The following KDM5B variants were observed in gnomAD, a reference collection of about 807,000 sequenced individuals.
The protein encoded by KDM5B is lysine-specific demethylase 5B.
A neutral mutation model predicts 193.4 loss-of-function variants in KDM5B; 144 were observed. That is an observed-to-expected ratio of 0.74 (90% CI 0.65 to 0.86). KDM5B has a LOEUF of 0.86. Among genes scored for constraint, KDM5B ranks in the 40% least tolerant of loss-of-function variants. The pLI is 0.00. For missense variants in KDM5B, 1,833 were observed against 1,886.9 expected (o/e 0.97, Z 0.53); for synonymous variants, 668 against 682.6 (o/e 0.98, Z 0.33).
At chr1:202,753,099 G>T in intron 11 of KDM5B, 32 bp from the exon 12 acceptor site, 1 of 1,586,312 alleles carries the variant, frequency 6.3e-7, no homozygotes, top group Non-Finnish European at 8.6e-7. Flanking sequence ...AAATCAATCT[G>T]CAACACCAAC....
chr1:202,754,478 G>T (rs1572728760), intron 11 of KDM5B, among the ~76,000 whole-genome samples: 2 of 152,222 alleles, frequency 1.3e-5, no homozygotes, highest in Admixed American at 1.3e-4. Context: ...TGCACACCAA[G>T]ATAAGGCTCA....
In KDM5B at chr1:202,745,857, C is replaced by CT; in HGVS notation, c.2323dup (p.Ser775LysfsTer10). The CT allele has an allele frequency of 6.2e-7, 1 of 1,613,958 alleles. No individual in the cohort carries two copies. Among genetic ancestry groups the CT allele is most frequent in the Non-Finnish European group, 8.5e-7 (1 of 1,179,864 alleles). On this transcript the variant is annotated frameshift_variant and splice_region_variant. Coordinates refer to ENST00000367265, the MANE Select transcript of KDM5B (RefSeq NM_006618.5). LOFTEE classifies it high-confidence loss of function. ...ACCAAGTCACTTTCTGTATCACATA[C>CT]TTTTCTTCTTGTTGATCTTTGCCTC... is the stretch of plus-strand genomic sequence containing the variant.
intron 1 of KDM5B, among the ~76,000 whole-genome samples, chr1:202,782,972 G>A (rs1657258112): frequency 6.6e-6 from 1 of 152,302 alleles, no homozygotes; most frequent in South Asian, 2.1e-4. Context: ...GGTGCTGAGT[G>A]TGATGGCTCA....
rs542529826 is a variant in KDM5B at position 202,728,931 on chromosome 1, A to G, written c.*105T>C. 2 of 1,322,582 alleles carry G rather than the reference A, an allele frequency of 1.5e-6. No individual in the cohort carries two copies. Among genetic ancestry groups the G allele is most frequent in the South Asian group, 1.3e-5 (1 of 78,652 alleles). 81.9% of individuals were successfully genotyped at this position (1,322,582 alleles called of 1,614,324 possible). A position where few individuals can be genotyped will look rare whatever the true frequency, so the allele number is the denominator to read the frequency against. Reference sequence around the variant, plus strand: ...AAGGAATAGAAATAGCACCGTTTACAGGCTGGCTTGAGTACCAGTCCTGTA... The same window carrying G: ...AAGGAATAGAAATAGCACCGTTTACGGGCTGGCTTGAGTACCAGTCCTGTA... On this transcript the variant is annotated 3_prime_UTR_variant, in exon 27 of 27. Coordinates refer to ENST00000367265, the MANE Select transcript of KDM5B (RefSeq NM_006618.5).
chr1:202,744,286 G>A (rs550380681), intron 16 of KDM5B, among the ~76,000 whole-genome samples: 4 of 152,170 alleles, frequency 2.6e-5, no homozygotes, highest in South Asian at 2.1e-4. Flanking sequence ...AAGGCCGGGC[G>A]CAGTGGCTCA....
intron 14 of KDM5B, 68 bp downstream of exon 14, chr1:202,748,877 A>C (rs1011964454): frequency 3.1e-6 from 4 of 1,273,518 alleles, no homozygotes; most frequent in Non-Finnish European, 4.4e-6. Flanking sequence ...AAATGATATT[A>C]AAGTGCGTAA....
intron 1 of KDM5B, among the ~76,000 whole-genome samples, chr1:202,785,139 T>C (rs1393366198): frequency 6.6e-6 from 1 of 152,206 alleles, no homozygotes; most frequent in Non-Finnish European, 1.5e-5. Flanking sequence ...TTCTGACCAC[T>C]GAAATATGAA....
chr1:202,758,627 T>C, intron 8 of KDM5B, 117 bp from the exon 9 acceptor site: 1 of 705,824 alleles, frequency 1.4e-6, no homozygotes, highest in Non-Finnish European at 2.1e-6. Flanking sequence ...ACTTCTATGC[T>C]AGGTCTACAT....
chr1:202,739,364 T>TTCTGGTCA (rs1236244084), intron 20 of KDM5B, among the ~76,000 whole-genome samples: 2 of 152,134 alleles, frequency 1.3e-5, no homozygotes, highest in Non-Finnish European at 2.9e-5. Context: ...AGAATTAGTC[T>TTCTGGTCA]TCTGGTCAAC....
At chr1:202,797,835 G>A (rs1657912335) in intron 1 of KDM5B, among the ~76,000 whole-genome samples, 1 of 152,194 alleles carries the variant, frequency 6.6e-6, no homozygotes, top group Admixed American at 6.5e-5. Flanking sequence ...AAATGCACCT[G>A]CAAATTTTCT....
At chr1:202,732,964 A>G (rs369203019) in intron 23 of KDM5B, among the ~76,000 whole-genome samples, 12 of 152,320 alleles carry the variant, frequency 7.9e-5, no homozygotes, top group African/African-American at 2.9e-4. Context: ...TTCTTCCAAA[A>G]AATATTTTCC....
intron 10 of KDM5B, 121 bp from the exon 11 acceptor site, chr1:202,755,573 C>CA: frequency 2.6e-6 from 2 of 759,246 alleles, no homozygotes; most frequent in Non-Finnish European, 4.2e-6. Flanking sequence ...GAGGGGCCAC[C>CA]ATGCTGACCT....
chr1:202,729,340 C>A (rs1654788970), intron 26 of KDM5B, 167 bp from the exon 27 acceptor site: 1 of 700,290 alleles, frequency 1.4e-6, no homozygotes, highest in South Asian at 1.8e-5. Context: ...GGCCCCCTAG[C>A]CAAAGCAACC....
chr1:202,736,397 T>G lies in KDM5B; in HGVS notation c.3085-5A>C, dbSNP rs1282698738. On this transcript the variant is annotated splice_region_variant and splice_polypyrimidine_tract_variant and intron_variant, in intron 20 of 26. Coordinates refer to ENST00000367265, the MANE Select transcript of KDM5B (RefSeq NM_006618.5). Reference sequence around the variant, plus strand: ...CACTGGCACACGTCCTCCAGCCTAATAAGTCAAGAAAAATTACAGCAGTTT... The same window carrying G: ...CACTGGCACACGTCCTCCAGCCTAAGAAGTCAAGAAAAATTACAGCAGTTT... 4 of 1,538,544 alleles carry G rather than the reference T, an allele frequency of 2.6e-6. No homozygotes were observed. Among genetic ancestry groups the G allele is most frequent in the Non-Finnish European group, 3.5e-6 (4 of 1,141,736 alleles).
At chr1:202,803,811 A>T (rs1289669328) in intron 1 of KDM5B, among the ~76,000 whole-genome samples, 1 of 151,908 alleles carries the variant, frequency 6.6e-6, no homozygotes, top group Non-Finnish European at 1.5e-5. Flanking sequence ...CAACAACAGC[A>T]AAACTCCATC....
intron 25 of KDM5B, among the ~76,000 whole-genome samples, chr1:202,730,496 G>A (rs1489231912): frequency 6.6e-6 from 1 of 152,162 alleles, no homozygotes; most frequent in Non-Finnish European, 1.5e-5. Context: ...CGCATTAACT[G>A]AACACATTCA....
Position 202,736,330 on chromosome 1 carries a change from G to T in KDM5B, c.3147C>A (p.Ile1049=), listed in dbSNP as rs1655094036. 1 of 1,612,060 alleles carries T rather than the reference G, an allele frequency of 6.2e-7. No individual in the cohort carries two copies. Among genetic ancestry groups the T allele is most frequent in the Admixed American group, 1.7e-5 (1 of 59,752 alleles). ...LIELVTRGRS[I]PVHLNSLPRL... ...TTGGCAAAGAATTCAGATGTACGGG[G>T]ATAGATCGGCCTCGTGTAACAAGTT... Residue 1049 remains isoleucine (I), a synonymous_variant, in exon 21 of 27, where the codon ATC becomes ATA. Coordinates refer to ENST00000367265, the MANE Select transcript of KDM5B (RefSeq NM_006618.5).
At chr1:202,807,624 G>T (rs1055539599) in intron 1 of KDM5B, among the ~76,000 whole-genome samples, 1 of 151,448 alleles carries the variant, frequency 6.6e-6, no homozygotes. Context: ...TTTCCTCCTC[G>T]CACGACAACT....
chr1:202,745,528 G>C (rs969056108), intron 16 of KDM5B, among the ~76,000 whole-genome samples: 1 of 151,598 alleles, frequency 6.6e-6, no homozygotes, highest in Non-Finnish European at 1.5e-5. Context: ...TTTTGTTTTT[G>C]TTTTTTTAAA....
Sources: allele counts gnomAD v4.1 joint callset (sites outside exome capture counted in the v4.1 genomes callset), GRCh38; gene constraint gnomAD v4.1.1; transcripts MANE v1.5; gene names NCBI Gene and HGNC (gene_info 2026-07-23, HGNC 2026-07-21).